Variants in RAD54L2 observed in about 807,000 individuals in gnomAD.
RAD54L2 encodes the protein RAD54 like 2.
A neutral mutation model predicts 138.4 loss-of-function variants in RAD54L2; 27 were observed. That is an observed-to-expected ratio of 0.20 (90% CI 0.14 to 0.27). The LOEUF is 0.27. Among genes scored for constraint, RAD54L2 ranks in the 10% least tolerant of loss-of-function variants. The pLI is 1.00. For missense variants in RAD54L2, 1,396 were observed against 1,890.2 expected (o/e 0.74, Z 4.85); for synonymous variants, 644 against 723.2 (o/e 0.89, Z 1.76).
At position 51,635,872 on chromosome 3, in the gene RAD54L2, T is replaced by C. The variant is rs1399232519; in HGVS notation, c.1339+83T>C. ...TCTACTAATAGCACCTAGTCAGATG[T>C]AAAGTGCATTATTGATGTGAATTGT... is the stretch of plus-strand genomic sequence containing the variant. On this transcript the variant is annotated intron_variant, in intron 10 of 22. Coordinates refer to ENST00000684192, the MANE Select transcript of RAD54L2 (RefSeq NM_015106.4). 4.5e-6 allele frequency: 6 copies of C among 1,336,708 alleles called. No homozygotes were observed. In the African/African-American group the frequency reaches 7.4e-5, roughly 17 times the overall value. 82.8% of individuals were successfully genotyped at this position (1,336,708 alleles called of 1,614,324 possible).
intron 2 of RAD54L2, among the ~76,000 whole-genome samples, chr3:51,555,190 C>T (rs1162294230): frequency 6.6e-6 from 1 of 152,148 alleles, no homozygotes; most frequent in African/African-American, 2.4e-5. Flanking sequence ...TAACCAATTG[C>T]CAATCAGAAA....
At chr3:51,627,463 T>C in intron 3 of RAD54L2, 90 bp from the exon 4 acceptor site, 1 of 1,248,558 alleles carries the variant, frequency 8.0e-7, no homozygotes, top group South Asian at 1.3e-5. Flanking sequence ...AATAAGTTGC[T>C]GAGTTGAGAT....
Position 51,662,990 on chromosome 3 carries a change from C to T in RAD54L2, c.3974C>T (p.Ser1325Phe), listed in dbSNP as rs746698421. The change falls in exon 23 of 23, where the codon TCC (serine) becomes TTC (phenylalanine). Residue 1325 changes from serine (S) to phenylalanine (F), a missense_variant. Transcript: ENST00000684192. The surrounding 1 kb of genome is among the most constrained non-coding windows in gnomAD (Gnocchi z 4.6). ...TCCCTGTTTATGGGCAGTACCCCCT[C>T]CTACTACCAGCTGTCCAATTTGCTG... Reference protein sequence around the residue: ...ENSLFMGSTPSYYQLSNLLAD... With the variant: ...ENSLFMGSTPFYYQLSNLLAD... 18 of 1,613,914 alleles carry T rather than the reference C, an allele frequency of 1.1e-5. No homozygotes were observed. The highest frequency in any genetic ancestry group is 2.2e-5 in the East Asian group (1 of 44,896).
In RAD54L2 at chr3:51,655,962, C is replaced by G; in HGVS notation, c.3027-9C>G. 3.1e-6 allele frequency: 5 copies of G among 1,593,720 alleles called. No homozygotes were observed. The highest frequency in any genetic ancestry group is 4.3e-6 in the Non-Finnish European group (5 of 1,166,118). On this transcript the variant is annotated splice_polypyrimidine_tract_variant and intron_variant, in intron 19 of 22. Transcript: ENST00000684192. ...AAACTCTTTTAGTGTCCTTGTCTTT[C>G]TCTTACAGGCAGCCAACTTTGAAGG...
rs1699819210 is a variant in RAD54L2, at chr3:51,590,558, T to G, written c.138T>G (p.Asp46Glu). ...CDRDDEEDLLDDPSLEGMCGT... is the reference protein window; with the variant it reads ...CDRDDEEDLLEDPSLEGMCGT... ...GGGATGATGAAGAAGACCTGCTGGA[T>G]GGTAAGTGGGCTCTATTGAGTGACA... The change falls in exon 3 of 23, where the codon GAT (aspartate) becomes GAG (glutamate). Residue 46 changes from aspartate (D) to glutamate (E), a missense_variant and splice_region_variant. Asp to Glu is a conservative substitution (Grantham distance 45). This residue lies in a region of RAD54L2 where 256 missense variants were observed against 344.6 expected (regional missense o/e 0.74). Coordinates refer to ENST00000684192, the MANE Select transcript of RAD54L2 (RefSeq NM_015106.4). 6.4e-7 allele frequency: 1 copy of G among 1,552,132 alleles called. No individual in the cohort carries two copies. Among genetic ancestry groups the G allele is most frequent in the Non-Finnish European group, 8.7e-7 (1 of 1,147,138 alleles).
At chr3:51,581,652 C>T (rs1699610498) in intron 2 of RAD54L2, among the ~76,000 whole-genome samples, 1 of 152,090 alleles carries the variant, frequency 6.6e-6, no homozygotes, top group Admixed American at 6.6e-5. Flanking sequence ...ATAGAGCTCT[C>T]AGGAGAGGGA....
chr3:51,646,095 G>A (rs760306953), intron 18 of RAD54L2, among the ~76,000 whole-genome samples, 190 bp from the exon 19 acceptor site: 1 of 152,316 alleles, frequency 6.6e-6, no homozygotes, highest in Non-Finnish European at 1.5e-5. Context: ...AGACTTAGAT[G>A]TCTAAAGCTG....
chr3:51,639,466 C>T lies in RAD54L2; in HGVS notation c.1908C>T (p.Ser636=). ...TGTATGAAGCCCTTCAGAAGGAGAG[C>T]TTGGCCAATGAGCAGGACCTAGACG... ...DVLYEALQKE[S]LANEQDLDVE... is the part of the protein sequence containing the mutation. Residue 636 remains serine (S), a synonymous_variant, in exon 13 of 23, where the codon AGC becomes AGT. Coordinates refer to ENST00000684192, the MANE Select transcript of RAD54L2 (RefSeq NM_015106.4). The T allele has an allele frequency of 6.2e-7, 1 of 1,613,984 alleles. No homozygotes were observed. The highest frequency in any genetic ancestry group is 8.5e-7 in the Non-Finnish European group (1 of 1,179,898).
At chr3:51,549,527 C>T (rs1228974371) in intron 2 of RAD54L2, among the ~76,000 whole-genome samples, 4 of 151,962 alleles carry the variant, frequency 2.6e-5, no homozygotes, top group African/African-American at 4.8e-5. Context: ...TTTGGCAGGC[C>T]GAGGCCAGGG....
intron 3 of RAD54L2, among the ~76,000 whole-genome samples, chr3:51,597,054 A>G (rs58762652): frequency 0.068 from 10,240 of 151,436 alleles, 897 homozygotes; most frequent in East Asian, 0.33. Context: ...AATCCCAGCT[A>G]CTTGGGAGGC....
chr3:51,585,082 A>T (rs1699683631), intron 2 of RAD54L2, among the ~76,000 whole-genome samples: 1 of 151,892 alleles, frequency 6.6e-6, no homozygotes, highest in Admixed American at 6.6e-5. Flanking sequence ...AAGTGTTGGG[A>T]TTATAGGAGT....
chr3:51,582,305 C>G (rs1406718399), intron 2 of RAD54L2, among the ~76,000 whole-genome samples: 1 of 152,176 alleles, frequency 6.6e-6, no homozygotes, highest in African/African-American at 2.4e-5. Context: ...AACACACACA[C>G]AAACAAAGCC....
At chr3:51,581,812 C>T (rs1038732455) in intron 2 of RAD54L2, among the ~76,000 whole-genome samples, 3 of 152,154 alleles carry the variant, frequency 2.0e-5, no homozygotes, top group Admixed American at 6.5e-5. Flanking sequence ...TAAACCTGAT[C>T]TGCTTTTAAG....
intron 22 of RAD54L2, among the ~76,000 whole-genome samples, chr3:51,661,928 C>T (rs1701787586): frequency 1.3e-5 from 2 of 152,288 alleles, no homozygotes; most frequent in Non-Finnish European, 2.9e-5. Context: ...ATCATTATTA[C>T]ACTAAAAAAA....
chr3:51,570,256 C>T (rs1699309492), intron 2 of RAD54L2, among the ~76,000 whole-genome samples: 2 of 144,132 alleles, frequency 1.4e-5, no homozygotes, highest in Admixed American at 1.4e-4. Context: ...CAATTCTCCT[C>T]CCTCAGCCTC....
At chr3:51,625,888 T>G (rs1352803678) in intron 3 of RAD54L2, among the ~76,000 whole-genome samples, 1 of 151,334 alleles carries the variant, frequency 6.6e-6, no homozygotes, top group Non-Finnish European at 1.5e-5. Flanking sequence ...GTGTTAAAGG[T>G]CATGAGAGAC....
At chr3:51,594,469 G>A (rs1428967355) in intron 3 of RAD54L2, among the ~76,000 whole-genome samples, 1 of 152,174 alleles carries the variant, frequency 6.6e-6, no homozygotes, top group Non-Finnish European at 1.5e-5. Flanking sequence ...GGCTTACTCA[G>A]TATAACTTAG....
chr3:51,573,075 G>A (rs1699377078), intron 2 of RAD54L2, among the ~76,000 whole-genome samples: 1 of 152,118 alleles, frequency 6.6e-6, no homozygotes, highest in Admixed American at 6.6e-5. Context: ...ATAAAGTAAT[G>A]GTGAAATATA....
rs949487494 is a variant in RAD54L2, at chr3:51,659,932, C to T, written c.3317-94C>T. The T allele has an allele frequency of 1.7e-5, 14 of 831,750 alleles. No individual in the cohort carries two copies. In the African/African-American group the frequency reaches 2.0e-4, roughly 12 times the overall value. The allele number at this position is 831,750 out of a possible 1,614,324, so 51.5% of individuals were successfully genotyped here. ...GGAGATGGTATACCTAATTGTATAG[C>T]TATTTACAAGCCCACGGCGCACAGC... On this transcript the variant is annotated intron_variant, in intron 21 of 22. Coordinates refer to ENST00000684192, the MANE Select transcript of RAD54L2 (RefSeq NM_015106.4).
Sources: allele counts gnomAD v4.1 joint callset (sites outside exome capture counted in the v4.1 genomes callset), GRCh38; gene constraint gnomAD v4.1.1; regional missense constraint gnomAD v4.1.1; non-coding constraint Gnocchi (gnomAD v3.1); transcripts MANE v1.5; gene names NCBI Gene and HGNC (gene_info 2026-07-23, HGNC 2026-07-21).